Variants in CSMD3 observed in about 807,000 individuals in gnomAD.
CSMD3 encodes CUB and sushi domain-containing protein 3.
CSMD3 carries 177 observed loss-of-function variants against 435.2 expected under a neutral mutation model. That is an observed-to-expected ratio of 0.41 (90% CI 0.36 to 0.46). The LOEUF is 0.46. Among genes scored for constraint, CSMD3 ranks in the 20% least tolerant of loss-of-function variants. CSMD3 has a pLI of 0.34. For synonymous variants in CSMD3, 1,656 were observed against 1,520.5 expected (o/e 1.09, Z -2.07); for missense variants, 4,265 against 4,504.6 (o/e 0.95, Z 1.52).
intron 60 of CSMD3, among the ~76,000 whole-genome samples, chr8:112,264,724 A>G (rs555019137): frequency 6.6e-6 from 1 of 152,154 alleles, no homozygotes; most frequent in African/African-American, 2.4e-5. Context: ...AAGATATTAA[A>G]CTATTAATTC....
chr8:112,719,199 G>T (rs1400974521), intron 13 of CSMD3, among the ~76,000 whole-genome samples: 1 of 152,100 alleles, frequency 6.6e-6, no homozygotes, highest in Non-Finnish European at 1.5e-5. Flanking sequence ...CAGATTAGAA[G>T]ACTAAGTAAA....
chr8:113,033,752 A>G (rs962654550), intron 5 of CSMD3, among the ~76,000 whole-genome samples: 2 of 151,276 alleles, frequency 1.3e-5, no homozygotes, highest in Non-Finnish European at 3.0e-5. Flanking sequence ...TGTGAAAAGT[A>G]CATGAGATTT....
At chr8:113,083,390 A>T (rs2089639934) in intron 5 of CSMD3, among the ~76,000 whole-genome samples, 1 of 152,056 alleles carries the variant, frequency 6.6e-6, no homozygotes, top group Non-Finnish European at 1.5e-5. Context: ...TACCTAGCAA[A>T]GCTAGGTAGC....
chr8:112,944,182 T>C lies in CSMD3; in HGVS notation c.1508+3608A>G, dbSNP rs560467253. ...CCATCCTCATCTCCTTATACACACA[T>C]TTTCATTTGATGGCCTTCCTAGATG... is the stretch of plus-strand genomic sequence containing the variant. On this transcript the variant is annotated intron_variant, in intron 9 of 70. Transcript: ENST00000297405. Among the ~76,000 whole-genome samples, 30 of 151,726 alleles carry C rather than the reference T, an allele frequency of 2.0e-4. No individual in the cohort carries two copies. The South Asian group carries it at 3.7e-3, about 19-fold the overall frequency.
intron 18 of CSMD3, among the ~76,000 whole-genome samples, chr8:112,651,590 T>C (rs1308507754): frequency 6.7e-6 from 1 of 150,310 alleles, no homozygotes; most frequent in Non-Finnish European, 1.5e-5. Flanking sequence ...CAGGCTGGAG[T>C]ACAATGGCGT....
chr8:112,353,891 C>T (rs923655248), intron 38 of CSMD3, among the ~76,000 whole-genome samples: 1 of 151,810 alleles, frequency 6.6e-6, no homozygotes, highest in Non-Finnish European at 1.5e-5. Flanking sequence ...AAAGACACAA[C>T]AAAAAAAGAA....
chr8:112,831,554 A>C (rs907254972), intron 11 of CSMD3, among the ~76,000 whole-genome samples: 6 of 72,856 alleles, frequency 8.2e-5, no homozygotes, highest in African/African-American at 3.4e-4. Flanking sequence ...TAGATGTAAA[A>C]GTGTTTTTTT....
In CSMD3 at chr8:112,505,554, A is replaced by G. The variant is rs1822412944; in HGVS notation, c.4895+1137T>C. Among the ~76,000 whole-genome samples the G allele has an allele frequency of 3.3e-5, 5 of 152,148 alleles. No homozygotes were observed. In the South Asian group the frequency reaches 1.0e-3, roughly 31 times the overall value. On this transcript the variant is annotated intron_variant, in intron 29 of 70. Coordinates refer to ENST00000297405, the MANE Select transcript of CSMD3 (RefSeq NM_198123.2). The stretch of plus-strand genomic sequence containing the variant: ...CTGAAAGCTTATTTAACAATGGAAC[A>G]CAGTACATTTCTTTTTAATTTATAG...
At chr8:113,328,635 A>G (rs2094002308) in intron 1 of CSMD3, among the ~76,000 whole-genome samples, 1 of 151,798 alleles carries the variant, frequency 6.6e-6, no homozygotes, top group Admixed American at 6.6e-5. Flanking sequence ...CAGGCAGCAA[A>G]ACCTGGAAGG....
chr8:113,072,168 A>G (rs2089149784), intron 5 of CSMD3, among the ~76,000 whole-genome samples: 1 of 151,788 alleles, frequency 6.6e-6, no homozygotes, highest in African/African-American at 2.4e-5. Context: ...CTGCAACTTT[A>G]CTGAATTTGT....
chr8:112,646,485 C>A (rs969141730), intron 19 of CSMD3, among the ~76,000 whole-genome samples: 1 of 152,114 alleles, frequency 6.6e-6, no homozygotes, highest in Non-Finnish European at 1.5e-5. Context: ...GACACTTTGT[C>A]AAGTATCCTA....
intron 41 of CSMD3, among the ~76,000 whole-genome samples, chr8:112,342,026 C>T (rs779569530): frequency 2.6e-5 from 4 of 151,958 alleles, no homozygotes; most frequent in Non-Finnish European, 5.9e-5. Context: ...AGGAAAAGGC[C>T]GCTTTTGGCC....
intron 9 of CSMD3, among the ~76,000 whole-genome samples, chr8:112,939,095 T>C (rs776749829): frequency 2.0e-5 from 3 of 152,150 alleles, no homozygotes; most frequent in Non-Finnish European, 4.4e-5. Flanking sequence ...AGGAGTATTA[T>C]TGCAATATTT....
At chr8:113,030,368 T>A (rs923408435) in intron 5 of CSMD3, among the ~76,000 whole-genome samples, 4 of 141,396 alleles carry the variant, frequency 2.8e-5, no homozygotes, top group Non-Finnish European at 6.1e-5. Flanking sequence ...CACTACCTGA[T>A]TTCAAACTAC....
chr8:112,305,954 T>A, intron 51 of CSMD3, 53 bp downstream of exon 51: 1 of 1,387,112 alleles, frequency 7.2e-7, no homozygotes, highest in Non-Finnish European at 1.0e-6. Flanking sequence ...AAATTTCAGG[T>A]ATATAAAATA....
intron 3 of CSMD3, among the ~76,000 whole-genome samples, chr8:113,254,442 A>G (rs2093362630): frequency 6.6e-6 from 1 of 152,212 alleles, no homozygotes; most frequent in Admixed American, 6.5e-5. Context: ...AGGAACAGAC[A>G]GCATGGTACT....
At chr8:113,243,341 AT>A (rs1325875609) in intron 3 of CSMD3, among the ~76,000 whole-genome samples, 1 of 151,948 alleles carries the variant, frequency 6.6e-6, no homozygotes, top group Non-Finnish European at 1.5e-5. Flanking sequence ...GAAATATTTT[AT>A]TTATTTTCAT....
chr8:112,819,260 T>C (rs964220317), intron 12 of CSMD3, among the ~76,000 whole-genome samples: 3 of 151,916 alleles, frequency 2.0e-5, no homozygotes, highest in Non-Finnish European at 2.9e-5. Flanking sequence ...GCAGGGTGAG[T>C]GGACACTTTG....
chr8:112,998,404 A>G (rs1287560140), intron 6 of CSMD3, among the ~76,000 whole-genome samples: 1 of 151,930 alleles, frequency 6.6e-6, no homozygotes, highest in Non-Finnish European at 1.5e-5. Flanking sequence ...CTTATTCTAT[A>G]TGGTCATTTC....
Sources: gnomAD v4.1 joint callset for allele counts (sites outside exome capture counted in the v4.1 genomes callset) on GRCh38, gnomAD v4.1.1 for gene constraint, MANE v1.5 for transcripts, NCBI Gene and HGNC (gene_info 2026-07-23, HGNC 2026-07-21) for gene names.